The following ARHGAP20 variants were observed in gnomAD, a reference collection of about 807,000 sequenced individuals.
ARHGAP20 encodes Rho GTPase activating protein 20, also known as rho GTPase-activating protein 20.
ARHGAP20 carries 34 observed loss-of-function variants against 73.7 expected under a neutral mutation model. The observed-to-expected ratio is 0.46, with a 90% CI of 0.35 to 0.61. ARHGAP20 has a LOEUF of 0.61. ARHGAP20 is among the 20% of genes least tolerant of loss of function. ARHGAP20 has a pLI of 0.00. For synonymous variants in ARHGAP20, 523 were observed against 518.2 expected (o/e 1.01, Z -0.13); for missense variants, 1,314 against 1,420.9 (o/e 0.92, Z 1.21).
intron 2 of ARHGAP20, among the ~76,000 whole-genome samples, chr11:110,671,229 G>GA (rs537884414): frequency 0.014 from 2,052 of 147,532 alleles, 55 homozygotes; most frequent in African/African-American, 0.047. Flanking sequence ...CTAAAACAAA[G>GA]AAAAAAAAAC....
intron 1 of ARHGAP20, among the ~76,000 whole-genome samples, chr11:110,711,399 C>T (rs1186521657): frequency 5.3e-5 from 8 of 151,818 alleles, no homozygotes; most frequent in Non-Finnish European, 1.0e-4. Context: ...CTCAGGACCC[C>T]CAACCACAGC....
intron 7 of ARHGAP20, among the ~76,000 whole-genome samples, chr11:110,609,348 T>G (rs1025862238): frequency 2.6e-5 from 4 of 152,312 alleles, no homozygotes; most frequent in Middle Eastern, 3.4e-3. Flanking sequence ...ATATTGGGCT[T>G]AACCTCCAAC....
At chr11:110,596,002 T>C (rs1367517083) in intron 9 of ARHGAP20, among the ~76,000 whole-genome samples, 16 of 152,048 alleles carry the variant, frequency 1.1e-4, no homozygotes, top group Non-Finnish European at 2.9e-5. Context: ...TGTCTACAAC[T>C]ATCTGATCTT....
intron 2 of ARHGAP20, among the ~76,000 whole-genome samples, chr11:110,637,878 C>T (rs993753890): frequency 1.3e-5 from 2 of 152,068 alleles, no homozygotes; most frequent in African/African-American, 4.8e-5. Context: ...TAAGAAGGAA[C>T]AGCATGTCAA....
chr11:110,579,920 G>A lies in ARHGAP20; in HGVS notation c.3026C>T (p.Ala1009Val). The change falls in exon 15 of 15, where the codon GCT becomes GTT. Residue 1009 changes from alanine (A) to valine (V), a missense_variant. By Grantham distance (64) the Ala-to-Val change is moderately conservative. Around this residue, in one of 3 missense-constraint regions of ARHGAP20, gnomAD observed 641 missense variants for 636.9 expected, o/e 1.01. Coordinates refer to ENST00000683387, the MANE Select transcript of ARHGAP20 (RefSeq NM_001384657.1). Reference sequence around the variant, plus strand: ...CTTTGTATAGGCTGGGCGGCTGCAAGCCTGCCCTGATGAGGGACCGGGCAT... The same window carrying A: ...CTTTGTATAGGCTGGGCGGCTGCAAACCTGCCCTGATGAGGGACCGGGCAT... ...SGMPGPSSGQ[A>V]CSRPAYTKKD... is the part of the protein sequence containing the mutation. The A allele has an allele frequency of 6.2e-7, 1 of 1,614,238 alleles. No homozygotes were observed. The highest frequency in any genetic ancestry group is 8.5e-7 in the Non-Finnish European group (1 of 1,180,038).
intron 2 of ARHGAP20, among the ~76,000 whole-genome samples, chr11:110,656,411 A>G (rs1470652): frequency 0.17 from 25,721 of 152,074 alleles, 2,260 homozygotes; most frequent in South Asian, 0.29. Flanking sequence ...CTTTAGTGGT[A>G]GCAGACCTCC....
At chr11:110,702,772 C>T (rs1247660016) in intron 1 of ARHGAP20, among the ~76,000 whole-genome samples, 2 of 152,114 alleles carry the variant, frequency 1.3e-5, no homozygotes, top group Non-Finnish European at 2.9e-5. Flanking sequence ...CATGAGTGAA[C>T]TCCCATTCAC....
At chr11:110,676,560 C>T (rs558780322) in intron 2 of ARHGAP20, among the ~76,000 whole-genome samples, 2 of 152,158 alleles carry the variant, frequency 1.3e-5, no homozygotes, top group Non-Finnish European at 2.9e-5. Context: ...TTACCTCTCA[C>T]CAGTTCCCTC....
At position 110,578,806 on chromosome 11, in the gene ARHGAP20, A is replaced by C. The variant is rs1947353901; in HGVS notation, c.*564T>G. 2.0e-6 allele frequency: 2 copies of C among 985,812 alleles called. No individual in the cohort carries two copies. The highest frequency in any genetic ancestry group is 2.4e-6 in the Non-Finnish European group (2 of 829,998). 61.1% of individuals were successfully genotyped at this position (985,812 alleles called of 1,614,324 possible). Reference sequence around the variant, plus strand: ...TAGCAATGGGCTGGTTCTTGGAATGATTCTGTAAGGACACGTGATTAGTAA... The same window carrying C: ...TAGCAATGGGCTGGTTCTTGGAATGCTTCTGTAAGGACACGTGATTAGTAA... On this transcript the variant is annotated 3_prime_UTR_variant, in exon 15 of 15. Coordinates refer to ENST00000683387, the MANE Select transcript of ARHGAP20 (RefSeq NM_001384657.1).
intron 9 of ARHGAP20, among the ~76,000 whole-genome samples, chr11:110,604,131 C>T (rs1948169380): frequency 6.6e-6 from 1 of 152,104 alleles, no homozygotes; most frequent in African/African-American, 2.4e-5. Flanking sequence ...TACTGATCTG[C>T]AAAATTTTAC....
At chr11:110,617,511 C>T (rs1189054562) in intron 4 of ARHGAP20, among the ~76,000 whole-genome samples, 2 of 152,148 alleles carry the variant, frequency 1.3e-5, no homozygotes, top group African/African-American at 2.4e-5. Context: ...GATCCACCCG[C>T]CTCCGCCTCC....
chr11:110,666,437 A>G (rs1449445392), intron 2 of ARHGAP20, among the ~76,000 whole-genome samples: 1 of 152,222 alleles, frequency 6.6e-6, no homozygotes, highest in Non-Finnish European at 1.5e-5. Flanking sequence ...CTTGCAGAAC[A>G]TGTTTTAAAA....
rs753069085 is a variant in ARHGAP20 at position 110,583,719 on chromosome 11, C to T, written c.1434G>A (p.Pro478=). The T allele has an allele frequency of 4.4e-6, 7 of 1,580,980 alleles. No individual in the cohort carries two copies. The highest frequency in any genetic ancestry group is 1.7e-5 in the Admixed American group (1 of 57,674). ...ACCTTAGGAGAACAACATTGGCTCT[C>T]GGAAGCTGGTCTAATAGCCTAAAGA... ...NTVQRLLDQL[P]RANVVLLRYL... Residue 478 remains proline, a synonymous_variant, in exon 13 of 15, where the codon CCG becomes CCA. Coordinates refer to ENST00000683387, the MANE Select transcript of ARHGAP20 (RefSeq NM_001384657.1).
intron 5 of ARHGAP20, 39 bp downstream of exon 5, chr11:110,615,514 A>G: frequency 2.6e-6 from 4 of 1,564,224 alleles, no homozygotes; most frequent in Non-Finnish European, 3.5e-6. Flanking sequence ...TTCATTTATT[A>G]AAGGTTAAAG....
At chr11:110,628,171 C>T (rs1948785217) in intron 3 of ARHGAP20, among the ~76,000 whole-genome samples, 1 of 152,186 alleles carries the variant, frequency 6.6e-6, no homozygotes, top group Admixed American at 6.5e-5. Context: ...GGACTGAAAG[C>T]AGTATCTAAA....
chr11:110,611,126 C>T (rs1948357223), intron 7 of ARHGAP20, among the ~76,000 whole-genome samples, 183 bp downstream of exon 7: 2 of 151,900 alleles, frequency 1.3e-5, no homozygotes. Context: ...AATAGGAGAA[C>T]AGCAGCACCC....
Position 110,578,270 on chromosome 11 carries a change from C to T in ARHGAP20, c.*1100G>A. The T allele has an allele frequency of 1.0e-6, 1 of 985,448 alleles. No homozygotes were observed. The highest frequency in any genetic ancestry group is 1.1e-4 in the East Asian group (1 of 8,820). 61.0% of individuals were successfully genotyped at this position (985,448 alleles called of 1,614,324 possible). A position where few individuals can be genotyped will look rare whatever the true frequency, so the allele number is the denominator to read the frequency against. ...AAAGCAAATGGCTGTCTGAGAAGGC[C>T]TGGCAGCCACTTTGTTGGGTATTCT... On this transcript the variant is annotated 3_prime_UTR_variant, in exon 15 of 15. Coordinates refer to ENST00000683387, the MANE Select transcript of ARHGAP20 (RefSeq NM_001384657.1).
In ARHGAP20 at chr11:110,580,904, C is replaced by T. The variant is rs1288894963; in HGVS notation, c.2042G>A (p.Cys681Tyr). 10 of 1,613,568 alleles carry T rather than the reference C, an allele frequency of 6.2e-6. No homozygotes were observed. Among genetic ancestry groups the T allele is most frequent in the Non-Finnish European group, 8.5e-6 (10 of 1,179,522 alleles). ...RDHARAPSAM[C>Y]TPSYLSTAAA... ...AGCTGTGGACAGGTAGCTGGGTGTG[C>T]ACATGGCAGATGGGGCCCTGGCATG... is the stretch of plus-strand genomic sequence containing the variant. The change falls in exon 15 of 15, where the codon TGC becomes TAC. Residue 681 changes from cysteine (C) to tyrosine (Y), a missense_variant. By Grantham distance (194) the Cys-to-Tyr change is radical. Transcript: ENST00000683387.
At chr11:110,684,778 T>C (rs764393260) in intron 2 of ARHGAP20, among the ~76,000 whole-genome samples, 1 of 152,214 alleles carries the variant, frequency 6.6e-6, no homozygotes, top group South Asian at 2.1e-4. Context: ...TGTAGCAACA[T>C]GTATGCAGCT....
Sources: gnomAD v4.1 joint callset for allele counts (sites outside exome capture counted in the v4.1 genomes callset) on GRCh38, gnomAD v4.1.1 for gene constraint, gnomAD v4.1.1 regional missense constraint, MANE v1.5 for transcripts, NCBI Gene and HGNC (gene_info 2026-07-23, HGNC 2026-07-21) for gene names.